Variants in CTNNA3 observed in about 807,000 individuals in gnomAD.
CTNNA3 encodes the protein catenin alpha 3.
Under a neutral mutation model 95.7 loss-of-function variants are expected in CTNNA3, and 76 were observed. That is an observed-to-expected ratio of 0.79 (90% CI 0.66 to 0.96). CTNNA3 has a LOEUF of 0.96. CTNNA3 is among the 40% of genes least tolerant of loss of function. The pLI is 0.00. For synonymous variants in CTNNA3, 431 were observed against 374.4 expected, an observed-to-expected ratio of 1.15 and a Z score of -1.74; for missense variants, 1,191 against 1,089.8, an observed-to-expected ratio of 1.09 and a Z score of -1.31.
intron 11 of CTNNA3, among the ~76,000 whole-genome samples, chr10:66,407,459 G>T (rs79949034): frequency 1.4e-3 from 217 of 152,026 alleles, no homozygotes; most frequent in African/African-American, 5.1e-3. Flanking sequence ...TCTGAACACT[G>T]CTGTTTGTTA....
intron 7 of CTNNA3, among the ~76,000 whole-genome samples, chr10:67,112,249 C>T (rs2131972563): frequency 6.6e-6 from 1 of 152,152 alleles, no homozygotes. Flanking sequence ...AAAATTTCTT[C>T]TTTTCCAGGC....
intron 9 of CTNNA3, among the ~76,000 whole-genome samples, chr10:66,672,042 G>A (rs1846679116): frequency 6.6e-6 from 1 of 152,064 alleles, no homozygotes; most frequent in Non-Finnish European, 1.5e-5. Context: ...GGATATAGAG[G>A]CAAACAGCCT....
At chr10:66,680,849 T>C (rs1003410694) in intron 9 of CTNNA3, among the ~76,000 whole-genome samples, 1 of 152,072 alleles carries the variant, frequency 6.6e-6, no homozygotes, top group Non-Finnish European at 1.5e-5. Flanking sequence ...ATAAGCAATT[T>C]AGCATGGCAA....
intron 9 of CTNNA3, among the ~76,000 whole-genome samples, chr10:66,648,135 C>G (rs1353326026): frequency 6.6e-6 from 1 of 152,152 alleles, no homozygotes; most frequent in East Asian, 1.9e-4. Context: ...ATTGGCCTAA[C>G]AGCTCTCAAC....
chr10:66,883,070 A>G (rs1385223352), intron 7 of CTNNA3, among the ~76,000 whole-genome samples: 1 of 152,128 alleles, frequency 6.6e-6, no homozygotes, highest in Non-Finnish European at 1.5e-5. Context: ...GCCATGTTTT[A>G]GAACTACTGC....
In CTNNA3 at chr10:65,917,878, G is replaced by A. The variant is rs1289004971; in HGVS notation, c.*2452C>T. 6.6e-6 allele frequency: 1 copy of A among 152,110 alleles called. No individual in the cohort carries two copies. The highest frequency in any genetic ancestry group is 2.4e-5 in the African/African-American group (1 of 41,426). 9.4% of individuals were successfully genotyped at this position (152,110 alleles called of 1,614,324 possible). A position where few individuals can be genotyped will look rare whatever the true frequency, so the allele number is the denominator to read the frequency against. On this transcript the variant is annotated 3_prime_UTR_variant, in exon 18 of 18. Coordinates refer to ENST00000433211, the MANE Select transcript of CTNNA3 (RefSeq NM_013266.4). ...CATATAAGCATTTGTTTTATCAGCA[G>A]GTTTGAATCAAACTAAATCTTGAAA... is the stretch of plus-strand genomic sequence containing the variant.
intron 11 of CTNNA3, among the ~76,000 whole-genome samples, chr10:66,453,058 A>G (rs1192509096): frequency 7.9e-6 from 1 of 126,146 alleles, no homozygotes; most frequent in Non-Finnish European, 1.7e-5. Flanking sequence ...TACTAAAAAT[A>G]CAAAAAAAAA....
chr10:67,328,842 T>C (rs1472687518), intron 5 of CTNNA3, among the ~76,000 whole-genome samples: 1 of 152,204 alleles, frequency 6.6e-6, no homozygotes, highest in Non-Finnish European at 1.5e-5. Context: ...ACCAATTCTT[T>C]TTCTTTTTTT....
At chr10:65,969,117 C>T (rs1450213745) in intron 16 of CTNNA3, among the ~76,000 whole-genome samples, 1 of 152,038 alleles carries the variant, frequency 6.6e-6, no homozygotes, top group Non-Finnish European at 1.5e-5. Flanking sequence ...ACTGAACCGC[C>T]CAATATGAAA....
chr10:65,963,411 C>T (rs1318026041), intron 17 of CTNNA3, among the ~76,000 whole-genome samples: 1 of 152,148 alleles, frequency 6.6e-6, no homozygotes, highest in Non-Finnish European at 1.5e-5. Flanking sequence ...CCCTCTCCTC[C>T]TCCTACAAGT....
At chr10:66,618,242 C>T (rs1408942148) in intron 10 of CTNNA3, among the ~76,000 whole-genome samples, 25 of 151,590 alleles carry the variant, frequency 1.6e-4, no homozygotes, top group African/African-American at 5.1e-4. Flanking sequence ...AAAAAGAGCC[C>T]GCATCGCCAA....
intron 3 of CTNNA3, among the ~76,000 whole-genome samples, chr10:67,589,217 T>G (rs1190432723): frequency 6.6e-6 from 1 of 152,168 alleles, no homozygotes; most frequent in African/African-American, 2.4e-5. Context: ...TGATTGCTTT[T>G]TCCTATGTGC....
intron 7 of CTNNA3, among the ~76,000 whole-genome samples, chr10:66,973,460 C>A (rs528281223): frequency 6.6e-6 from 1 of 152,250 alleles, no homozygotes; most frequent in Non-Finnish European, 1.5e-5. Context: ...GCATTAATTT[C>A]ATAGTAACTA....
At chr10:66,471,201 G>A (rs1003351733) in intron 11 of CTNNA3, among the ~76,000 whole-genome samples, 4 of 151,646 alleles carry the variant, frequency 2.6e-5, no homozygotes, top group African/African-American at 9.7e-5. Flanking sequence ...ATTCTAGAAT[G>A]CTTCTAATAA....
intron 1 of CTNNA3, among the ~76,000 whole-genome samples, chr10:67,745,032 G>A (rs537775829): frequency 9.2e-5 from 14 of 152,190 alleles, no homozygotes; most frequent in African/African-American, 3.1e-4. Context: ...AGGATGTGGA[G>A]AAATAGGAAC....
intron 11 of CTNNA3, among the ~76,000 whole-genome samples, chr10:66,441,541 TA>T (rs1426355752): frequency 5.3e-5 from 8 of 152,212 alleles, no homozygotes; most frequent in African/African-American, 1.7e-4. Flanking sequence ...ATTCCAAGAC[TA>T]AATAATTAAG....
At chr10:67,736,631 C>T (rs542679643) in intron 1 of CTNNA3, among the ~76,000 whole-genome samples, 375 of 151,414 alleles carry the variant, frequency 2.5e-3, no homozygotes, top group African/African-American at 8.6e-3. Flanking sequence ...AATTTTTGTA[C>T]TTTTTAGTAG....
intron 4 of CTNNA3, among the ~76,000 whole-genome samples, chr10:67,532,438 C>A (rs987790333): frequency 6.6e-6 from 1 of 152,106 alleles, no homozygotes; most frequent in Non-Finnish European, 1.5e-5. Flanking sequence ...TGTTTGTCCA[C>A]AAATGCTTTA....
intron 12 of CTNNA3, among the ~76,000 whole-genome samples, chr10:66,320,064 T>C (rs1360202406): frequency 6.6e-6 from 1 of 152,132 alleles, no homozygotes; most frequent in Non-Finnish European, 1.5e-5. Context: ...ACCTACGTTG[T>C]GGGGCTGTTG....
Sources: allele counts gnomAD v4.1 joint callset (sites outside exome capture counted in the v4.1 genomes callset), GRCh38; gene constraint gnomAD v4.1.1; transcripts MANE v1.5; gene names NCBI Gene and HGNC (gene_info 2026-07-23, HGNC 2026-07-21).